Variants in TENM2 observed in about 807,000 individuals in gnomAD.
TENM2 encodes teneurin-2.
In TENM2, 52 loss-of-function variants were observed where a neutral mutation model predicts 245.2. The observed-to-expected ratio is 0.21, with a 90% CI of 0.17 to 0.27. The LOEUF (loss-of-function observed/expected upper bound fraction) is 0.27, where lower values mean the gene tolerates loss of function less well. Among genes scored for constraint, TENM2 ranks in the 10% least tolerant of loss-of-function variants. The pLI is 1.00. For missense variants in TENM2, 3,046 were observed against 3,666.8 expected (o/e 0.83, Z 4.37); for synonymous variants, 1,363 against 1,438.9 (o/e 0.95, Z 1.19).
chr5:167,973,736 T>C (rs11955678), intron 4 of TENM2, among the ~76,000 whole-genome samples: 13,837 of 151,936 alleles, frequency 0.091, 2,019 homozygotes, highest in African/African-American at 0.31. Flanking sequence ...AGCAAGGCTG[T>C]GCCAGCATTC....
chr5:167,244,470 A>T, the TENM2 span, among the ~76,000 whole-genome samples: 2 of 152,224 alleles, frequency 1.3e-5, no homozygotes, highest in Non-Finnish European at 2.9e-5. Flanking sequence ...TGTGAGCCAC[A>T]AGCAGTTAAA....
At chr5:167,719,791 T>C (rs1343114526) in intron 2 of TENM2, among the ~76,000 whole-genome samples, 1 of 152,192 alleles carries the variant, frequency 6.6e-6, no homozygotes, top group East Asian at 1.9e-4. Context: ...TGAGTGCTAC[T>C]AGCATCTAGT....
Position 167,405,769 on chromosome 5 carries a change from AACACACACACACAC to A in TENM2, c.502+30313_502+30326del, listed in dbSNP as rs149621688. Reference sequence around the variant, plus strand: ...AGTGCAATTCAAACACACACACACAAACACACACACACACACACACACACACACACGCACACAGA... The same window carrying A: ...AGTGCAATTCAAACACACACACACAAACACACACACACACACGCACACAGA... On this transcript the variant is annotated intron_variant, in intron 2 of 28. Coordinates refer to ENST00000518659, the Ensembl canonical transcript of TENM2. Among the ~76,000 whole-genome samples, 62 of 145,286 alleles carry A rather than the reference AACACACACACACAC, an allele frequency of 4.3e-4. 1 individual carries two copies. The East Asian group carries it at 0.012, about 28-fold the overall frequency.
intron 2 of TENM2, among the ~76,000 whole-genome samples, chr5:167,390,632 A>C (rs369158925): frequency 8.3e-4 from 127 of 152,336 alleles, no homozygotes; most frequent in African/African-American, 3.0e-3. Context: ...TTACTATTAT[A>C]ATAAGCATAT....
chr5:167,942,648 G>T (rs1180284737), intron 3 of TENM2, among the ~76,000 whole-genome samples: 2 of 152,116 alleles, frequency 1.3e-5, no homozygotes, highest in Admixed American at 6.5e-5. Context: ...GTGGCATCCT[G>T]GGGATCTTCA....
At chr5:167,200,493 T>C in the TENM2 span, among the ~76,000 whole-genome samples, 1 of 151,770 alleles carries the variant, frequency 6.6e-6, no homozygotes, top group African/African-American at 2.4e-5. Context: ...TTTTCTGGGG[T>C]TTTCTGAGAA....
intron 2 of TENM2, among the ~76,000 whole-genome samples, chr5:167,567,977 C>CAA (rs70976435): frequency 0.017 from 2,362 of 141,852 alleles, 43 homozygotes; most frequent in African/African-American, 0.046. Context: ...ATATATTGTA[C>CAA]AAAAAAAAAA....
the TENM2 span, among the ~76,000 whole-genome samples, chr5:167,058,871 G>A: frequency 6.6e-6 from 1 of 152,196 alleles, no homozygotes; most frequent in South Asian, 2.1e-4. Flanking sequence ...TTCTCAAACT[G>A]TGGGCTGAGG....
intron 3 of TENM2, among the ~76,000 whole-genome samples, chr5:167,949,470 T>C (rs566660091): frequency 6.6e-6 from 1 of 152,316 alleles, no homozygotes; most frequent in South Asian, 2.1e-4. Context: ...AGTTATGTCT[T>C]ATCCATCCTT....
At chr5:167,912,323 A>AT (rs935297854) in intron 3 of TENM2, among the ~76,000 whole-genome samples, 8 of 152,116 alleles carry the variant, frequency 5.3e-5, no homozygotes, top group East Asian at 1.9e-4. Flanking sequence ...CTATGACAGG[A>AT]TTTTTTCTTT....
chr5:167,929,277 G>A (rs1197067084), intron 3 of TENM2, among the ~76,000 whole-genome samples: 6 of 151,720 alleles, frequency 4.0e-5, no homozygotes, highest in Non-Finnish European at 5.9e-5. Flanking sequence ...AAGGGAGGGA[G>A]GGTGAAGATC....
At chr5:167,190,674 G>A in the TENM2 span, among the ~76,000 whole-genome samples, 2 of 152,058 alleles carry the variant, frequency 1.3e-5, no homozygotes, top group South Asian at 4.1e-4. Flanking sequence ...ACAATTTCTA[G>A]GTCTAAAACT....
chr5:167,383,425 AAC>A (rs1393838756), intron 2 of TENM2, among the ~76,000 whole-genome samples: 3 of 152,020 alleles, frequency 2.0e-5, no homozygotes, highest in Non-Finnish European at 4.4e-5. Context: ...TCCACAGAAA[AAC>A]ACCCATGTTT....
chr5:167,387,102 T>C (rs944333927), intron 2 of TENM2, among the ~76,000 whole-genome samples: 16 of 152,284 alleles, frequency 1.1e-4, no homozygotes, highest in African/African-American at 3.8e-4. Context: ...TTCAGCAGTA[T>C]GGTCGTTTTG....
intron 7 of TENM2, among the ~76,000 whole-genome samples, chr5:168,075,299 G>GTA (rs1289105792): frequency 2.0e-5 from 3 of 152,102 alleles, no homozygotes; most frequent in African/African-American, 4.8e-5. Flanking sequence ...GTATTCCATG[G>GTA]TATATATATA....
intron 2 of TENM2, among the ~76,000 whole-genome samples, chr5:167,490,445 A>C (rs1768358536): frequency 6.6e-6 from 1 of 152,112 alleles, no homozygotes; most frequent in South Asian, 2.1e-4. Flanking sequence ...TTAGTTGAAT[A>C]TCTCTCTCCT....
the TENM2 span, among the ~76,000 whole-genome samples, chr5:167,256,680 G>C: frequency 6.6e-6 from 1 of 151,994 alleles, no homozygotes; most frequent in Admixed American, 6.6e-5. Flanking sequence ...CTTTTGTTTG[G>C]CTGTTAATCT....
rs1039279498 is a variant in TENM2, at chr5:167,411,299, A to G, written c.502+35826A>G. Among the ~76,000 whole-genome samples the G allele has an allele frequency of 4.6e-5, 7 of 152,090 alleles. No individual in the cohort carries two copies. In the East Asian group the frequency reaches 1.4e-3, roughly 29 times the overall value. On this transcript the variant is annotated intron_variant, in intron 2 of 28. Coordinates refer to ENST00000518659, the Ensembl canonical transcript of TENM2. ...AAATGTGGCTATTTCTGATCATCTG[A>G]GGTACTGGATTTCCAATTATTAGAT...
chr5:167,918,137 C>A (rs1777086372), intron 3 of TENM2, among the ~76,000 whole-genome samples: 1 of 152,214 alleles, frequency 6.6e-6, no homozygotes, highest in African/African-American at 2.4e-5. Context: ...TTGATTTCTA[C>A]ATGCAGTTTT....
Sources: gnomAD v4.1 joint callset for allele counts (sites outside exome capture counted in the v4.1 genomes callset) on GRCh38, gnomAD v4.1.1 for gene constraint, MANE v1.5 for transcripts, NCBI Gene and HGNC (gene_info 2026-07-23, HGNC 2026-07-21) for gene names.